Variants in NXPE2 observed in about 807,000 individuals in gnomAD.
NXPE2 encodes neurexophilin and PC-esterase domain family member 2.
A neutral mutation model predicts 34.4 loss-of-function variants in NXPE2; 34 were observed. The ratio of observed to expected loss-of-function variants is 0.99; its 90% CI spans 0.75 to 1.31. NXPE2 has a LOEUF of 1.31. Among genes scored for constraint, NXPE2 ranks in the 40% most tolerant of loss-of-function variants. The pLI is 0.00. For synonymous variants in NXPE2, 235 were observed against 231.3 expected (o/e 1.02, Z -0.15); for missense variants, 649 against 672.5 (o/e 0.97, Z 0.39).
At chr11:114,583,114 T>A in the NXPE2 span, 1 of 1,333,378 alleles carries the variant, frequency 7.5e-7, no homozygotes, top group African/African-American at 1.5e-5. Flanking sequence ...GAAATTAACA[T>A]GTTCCTAGTC....
chr11:114,639,547 C>T, the NXPE2 span, among the ~76,000 whole-genome samples: 72 of 151,156 alleles, frequency 4.8e-4, no homozygotes, highest in Non-Finnish European at 1.5e-5. Flanking sequence ...CAGAAATTAG[C>T]TGTCTTCTGC....
the NXPE2 span, among the ~76,000 whole-genome samples, chr11:114,469,109 C>CTTTTTTTTTTTTTTTTTTT: frequency 1.1e-5 from 1 of 88,864 alleles, no homozygotes; most frequent in East Asian, 3.4e-4. Flanking sequence ...ACAGTGCTAG[C>CTTTTTTTTTTTTTTTTTTT]TTTTTTTTTT....
chr11:114,769,773 T>C, the NXPE2 span, among the ~76,000 whole-genome samples: 1 of 150,562 alleles, frequency 6.6e-6, no homozygotes, highest in African/African-American at 2.5e-5. Context: ...GGAAAACACA[T>C]GGACACAGGG....
At chr11:114,742,392 C>G in the NXPE2 span, among the ~76,000 whole-genome samples, 2 of 152,102 alleles carry the variant, frequency 1.3e-5, no homozygotes, top group Admixed American at 6.6e-5. Context: ...CCCAACCACT[C>G]AGCTACACAG....
chr11:114,507,541 A>G, the NXPE2 span, among the ~76,000 whole-genome samples: 8 of 152,216 alleles, frequency 5.3e-5, no homozygotes, highest in Admixed American at 6.5e-5. Flanking sequence ...AAGCTTATCC[A>G]CCATGATTAA....
At chr11:114,549,775 G>C in the NXPE2 span, among the ~76,000 whole-genome samples, 5 of 151,466 alleles carry the variant, frequency 3.3e-5, no homozygotes, top group South Asian at 1.0e-3. Flanking sequence ...GAATTGAAAA[G>C]GAAATAAAAA....
chr11:114,558,096 C>G, the NXPE2 span, among the ~76,000 whole-genome samples: 1 of 151,976 alleles, frequency 6.6e-6, no homozygotes, highest in Non-Finnish European at 1.5e-5. Context: ...TCTAGCTTTT[C>G]TAGTTGCTCT....
the NXPE2 span, among the ~76,000 whole-genome samples, chr11:114,611,112 G>A: frequency 6.6e-6 from 1 of 151,658 alleles, no homozygotes; most frequent in African/African-American, 2.4e-5. Context: ...GGAAACCAGT[G>A]GATAGTTAGT....
At chr11:114,488,240 G>A in the NXPE2 span, among the ~76,000 whole-genome samples, 2 of 152,090 alleles carry the variant, frequency 1.3e-5, no homozygotes, top group Non-Finnish European at 2.9e-5. Flanking sequence ...GAGGTTTTAC[G>A]TGCCTAGGAA....
the NXPE2 span, among the ~76,000 whole-genome samples, chr11:114,557,299 G>A: frequency 2.2e-3 from 341 of 151,682 alleles, 1 homozygote; most frequent in African/African-American, 6.5e-3. Context: ...ACTCTATTTT[G>A]GAAATTTCAA....
At chr11:114,712,545 G>A in the NXPE2 span, among the ~76,000 whole-genome samples, 4 of 152,316 alleles carry the variant, frequency 2.6e-5, 1 homozygote, top group South Asian at 4.1e-4. Context: ...TTAGGGAACT[G>A]CAAATCAAAA....
chr11:114,625,060 T>C, the NXPE2 span, among the ~76,000 whole-genome samples: 1 of 152,116 alleles, frequency 6.6e-6, no homozygotes, highest in African/African-American at 2.4e-5. Flanking sequence ...CTGTGGATGA[T>C]AAATATTGCC....
chr11:114,637,151 A>G, the NXPE2 span, among the ~76,000 whole-genome samples: 34,801 of 138,306 alleles, frequency 0.25, 4,700 homozygotes, highest in East Asian at 0.46. Flanking sequence ...GTGCTCCTGT[A>G]TTGGGTCCAT....
At chr11:114,495,612 G>A in the NXPE2 span, among the ~76,000 whole-genome samples, 1 of 151,888 alleles carries the variant, frequency 6.6e-6, no homozygotes, top group Non-Finnish European at 1.5e-5. Context: ...AGCTGAGAAT[G>A]TGCTGGGTCA....
At chr11:114,732,738 T>C in the NXPE2 span, among the ~76,000 whole-genome samples, 1 of 152,186 alleles carries the variant, frequency 6.6e-6, no homozygotes, top group African/African-American at 2.4e-5. Context: ...TCAAAATACC[T>C]GCATTAATAT....
At chr11:114,798,608 T>C in the NXPE2 span, among the ~76,000 whole-genome samples, 2 of 152,204 alleles carry the variant, frequency 1.3e-5, no homozygotes, top group African/African-American at 4.8e-5. Flanking sequence ...GGTCTTGAAC[T>C]CCTGACCTCG....
chr11:114,601,228 A>C, the NXPE2 span, among the ~76,000 whole-genome samples: 2 of 151,114 alleles, frequency 1.3e-5, no homozygotes, highest in Non-Finnish European at 3.0e-5. Flanking sequence ...GTAATTTTTC[A>C]TCCCATTTCC....
At chr11:114,628,220 T>C in the NXPE2 span, among the ~76,000 whole-genome samples, 474 of 143,670 alleles carry the variant, frequency 3.3e-3, 3 homozygotes, top group African/African-American at 0.012. Context: ...AATATACATT[T>C]TTTTCAGCAA....
chr11:114,557,833 TA>T, the NXPE2 span, among the ~76,000 whole-genome samples: 29 of 151,970 alleles, frequency 1.9e-4, no homozygotes, highest in East Asian at 5.4e-3. Flanking sequence ...GGTTACATTT[TA>T]AAAAATCTTA....
Sources: gnomAD v4.1 joint callset for allele counts (sites outside exome capture counted in the v4.1 genomes callset) on GRCh38, gnomAD v4.1.1 for gene constraint, MANE v1.5 for transcripts, NCBI Gene and HGNC (gene_info 2026-07-23, HGNC 2026-07-21) for gene names.